Variants in TTC6 observed in about 807,000 individuals in gnomAD.
The protein encoded by TTC6 is tetratricopeptide repeat domain 6.
A neutral mutation model predicts 210.4 loss-of-function variants in TTC6; 172 were observed. The ratio of observed to expected loss-of-function variants is 0.82; its 90% CI spans 0.72 to 0.93. TTC6 has a LOEUF of 0.93. Among genes scored for constraint, TTC6 ranks in the 40% least tolerant of loss-of-function variants. The pLI, the probability that TTC6 is intolerant of heterozygous loss-of-function variation, is 0.00. For missense variants in TTC6, 2,414 were observed against 2,318.1 expected, an observed-to-expected ratio of 1.04 and a Z score of -0.85; for synonymous variants, 804 against 819.6, an observed-to-expected ratio of 0.98 and a Z score of 0.32.
chr14:37,838,916 T>G (rs1353152284), intron 29 of TTC6, among the ~76,000 whole-genome samples: 2 of 152,220 alleles, frequency 1.3e-5, no homozygotes, highest in African/African-American at 2.4e-5. Context: ...TGGTTTTCTC[T>G]TCTTGTGTTA....
chr14:37,651,146 G>T (rs2139419997), intron 1 of TTC6, among the ~76,000 whole-genome samples: 1 of 152,008 alleles, frequency 6.6e-6, no homozygotes, highest in African/African-American at 2.4e-5. Flanking sequence ...ATTAATTGTA[G>T]TGTTTATGAA....
intron 14 of TTC6, among the ~76,000 whole-genome samples, chr14:37,762,102 T>A (rs894547676): frequency 6.6e-6 from 1 of 152,214 alleles, no homozygotes; most frequent in African/African-American, 2.4e-5. Context: ...TTATTTTGCT[T>A]AACATAATGT....
intron 29 of TTC6, among the ~76,000 whole-genome samples, chr14:37,836,582 C>T (rs567062711): frequency 6.6e-6 from 1 of 152,000 alleles, no homozygotes; most frequent in Admixed American, 6.6e-5. Context: ...GACAAATTAT[C>T]TGGGCATATA....
At chr14:37,619,302 G>T (rs1185679735), upstream of TTC6, among the ~76,000 whole-genome samples, 1 of 152,100 alleles carries the variant, frequency 6.6e-6, no homozygotes, top group Admixed American at 6.5e-5. Context: ...TCGTGTAGCA[G>T]GGTCTTCAGT....
exon 11 of TTC6, chr14:37,749,389 T>C: frequency 1.4e-6 from 2 of 1,433,020 alleles, no homozygotes; most frequent in Non-Finnish European, 1.8e-6. Context: ...GTGCCATGAA[T>C]GATCTGCAGA....
At chr14:37,796,130 T>A (rs964669568) in intron 18 of TTC6, among the ~76,000 whole-genome samples, 164 bp from the exon 21 acceptor site, 6 of 152,080 alleles carry the variant, frequency 3.9e-5, no homozygotes, top group Non-Finnish European at 7.4e-5. Context: ...TGCTAATTGA[T>A]ATATTTAGTT....
At chr14:37,659,089 C>T (rs177880) in intron 1 of TTC6, among the ~76,000 whole-genome samples, 12,309 of 152,138 alleles carry the variant, frequency 0.081, 587 homozygotes, top group African/African-American at 0.097. Context: ...TCCATCCATG[C>T]TCCCACAAAA....
intron 2 of TTC6, among the ~76,000 whole-genome samples, chr14:37,609,317 G>A (rs933619174): frequency 3.9e-5 from 6 of 152,134 alleles, no homozygotes; most frequent in African/African-American, 1.4e-4. Context: ...TTGGGAGACT[G>A]AGGCAGGAGG....
chr14:37,625,048 C>T (rs1193724104), intron 1 of TTC6, among the ~76,000 whole-genome samples: 3 of 152,146 alleles, frequency 2.0e-5, no homozygotes, highest in East Asian at 1.9e-4. Context: ...CCATCTCTGC[C>T]TCTCATTATC....
intron 2 of TTC6, among the ~76,000 whole-genome samples, chr14:37,608,149 A>G (rs1369894746): frequency 6.6e-6 from 1 of 152,228 alleles, no homozygotes; most frequent in East Asian, 1.9e-4. Context: ...CATGTCTGCT[A>G]TAAATATTGT....
intron 3 of TTC6, among the ~76,000 whole-genome samples, chr14:37,692,571 C>T (rs1044729181): frequency 9.2e-5 from 14 of 151,966 alleles, no homozygotes; most frequent in Admixed American, 2.6e-4. Context: ...AAACCACATA[C>T]GGTTTTTACC....
At chr14:37,801,836 G>A (rs1285270762) in intron 20 of TTC6, among the ~76,000 whole-genome samples, 3 of 152,264 alleles carry the variant, frequency 2.0e-5, no homozygotes, top group African/African-American at 4.8e-5. Context: ...ACGGTTTGGC[G>A]ATTCCTCAAA....
Position 37,598,963 on chromosome 14 carries a change from C to G in TTC6, c.-235+2955C>G, listed in dbSNP as rs2095609965. 7.2e-6 allele frequency among the ~76,000 whole-genome samples: 1 copy of G among 139,190 alleles called. No homozygotes were observed. Among genetic ancestry groups the G allele is most frequent in the African/African-American group, 2.6e-5 (1 of 38,106 alleles). The allele number at this position is 139,190 out of a possible 152,430, so 91.3% of individuals were successfully genotyped here. On this transcript the variant is annotated intron_variant, in intron 1 of 2. Coordinates refer to the TTC6 transcript ENST00000556845. This position sits in a 1 kb window ranked among gnomAD's most constrained non-coding sequence, Gnocchi z 4.9. ...CCCACCCAGATAAGAAGCTTAAGTC[C>G]TCCTTCTGCAGGGGAGAATCGGATG...
chr14:37,622,040 T>G (rs1354288434), upstream of TTC6: 1 of 1,480,412 alleles, frequency 6.8e-7, no homozygotes, highest in Admixed American at 2.2e-5. Context: ...TTTGGGGGCT[T>G]ACTTTACAGG....
At chr14:37,787,777 T>C (rs1296510869) in intron 15 of TTC6, 140 bp downstream of exon 17, 1 of 566,864 alleles carries the variant, frequency 1.8e-6, no homozygotes, top group Non-Finnish European at 2.7e-6. Flanking sequence ...AAGTATATAT[T>C]ACATGAGCTT....
At chr14:37,801,888 A>T (rs1217843494) in intron 20 of TTC6, among the ~76,000 whole-genome samples, 2 of 82,032 alleles carry the variant, frequency 2.4e-5, no homozygotes, top group Admixed American at 3.2e-4. Flanking sequence ...CAATCTCATT[A>T]CTGAGTATAT....
chr14:37,791,277 A>G (rs912763883), intron 16 of TTC6, among the ~76,000 whole-genome samples: 5 of 152,198 alleles, frequency 3.3e-5, no homozygotes, highest in Admixed American at 2.6e-4. Context: ...TTCTGGCTTC[A>G]TTTTGTTTAG....
At chr14:37,796,642 C>T in intron 19 of TTC6, 145 bp from the exon 22 acceptor site, 1 of 768,162 alleles carries the variant, frequency 1.3e-6, no homozygotes, top group Non-Finnish European at 2.0e-6. Context: ...GTAAATAGAT[C>T]TTACTATGAT....
At chr14:37,826,498 T>A in intron 28 of TTC6, 151 bp downstream of exon 30, 1 of 724,746 alleles carries the variant, frequency 1.4e-6, no homozygotes, top group East Asian at 3.0e-5. Context: ...ATCCCTAGGG[T>A]AAAGAGTTAT....
Sources: gnomAD v4.1 joint callset for allele counts (sites outside exome capture counted in the v4.1 genomes callset) on GRCh38, gnomAD v4.1.1 for gene constraint, Gnocchi (gnomAD v3.1) non-coding constraint, MANE v1.5 for transcripts, NCBI Gene and HGNC (gene_info 2026-07-23, HGNC 2026-07-21) for gene names.